Variants in LGALS12 observed in about 807,000 individuals in gnomAD.
LGALS12 encodes galectin-12.
LGALS12 carries 36 observed loss-of-function variants against 36.8 expected under a neutral mutation model. The observed-to-expected ratio is 0.98, with a 90% confidence interval of 0.75 to 1.29. The LOEUF (loss-of-function observed/expected upper bound fraction) is 1.29. Ranked by LOEUF, LGALS12 falls within the 50% of genes most tolerant of loss-of-function variation. The probability of loss-of-function intolerance (pLI) is 0.00; values close to 1 mark genes in which losing one functional copy is unlikely to be tolerated. For synonymous variants in LGALS12, 145 were observed against 155.9 expected, an observed-to-expected ratio of 0.93 and a Z score of 0.52; for missense variants, 366 against 394.3, an observed-to-expected ratio of 0.93 and a Z score of 0.61.
At chr11:63,510,030 G>C in intron 4 of LGALS12, 133 bp downstream of exon 4, 1 of 1,118,854 alleles carries the variant, frequency 8.9e-7, no homozygotes, top group Non-Finnish European at 1.3e-6. Context: ...ATAGCCAAGG[G>C]GGAGGGAGTC....
intron 5 of LGALS12, 66 bp downstream of exon 5, chr11:63,510,567 C>G: frequency 6.7e-7 from 1 of 1,489,946 alleles, no homozygotes; most frequent in African/African-American, 1.4e-5. Context: ...GACTGCTGCT[C>G]CCATTACACA....
chr11:63,511,666 C>G (rs1590648829), intron 6 of LGALS12, 86 bp from the exon 7 acceptor site: 3 of 914,060 alleles, frequency 3.3e-6, no homozygotes, highest in East Asian at 4.8e-5. Context: ...CATGCCTGCC[C>G]CAGTGCTCCC....
In LGALS12 at chr11:63,516,395, G is replaced by A. The variant is rs1565230192; in HGVS notation, c.*2G>A. ...CAGCTCTACTGTGTCCACTCCTGAGGATGGTTCCAGGGAAATACCGCCAGA... is the reference window on the plus strand; with the variant it reads ...CAGCTCTACTGTGTCCACTCCTGAGAATGGTTCCAGGGAAATACCGCCAGA... On this transcript the variant is annotated 3_prime_UTR_variant, in exon 9 of 9. Transcript: ENST00000394618. 1 of 1,613,874 alleles carries A rather than the reference G, an allele frequency of 6.2e-7. No individual in the cohort carries two copies.
intron 7 of LGALS12, among the ~76,000 whole-genome samples, chr11:63,512,533 A>C (rs534389682): frequency 1.3e-4 from 20 of 152,092 alleles, no homozygotes; most frequent in Non-Finnish European, 2.2e-4. Flanking sequence ...GCTCACACCT[A>C]TAATCCCAGC....
At chr11:63,514,992 G>A (rs77495840) in intron 7 of LGALS12, among the ~76,000 whole-genome samples, 3,288 of 151,622 alleles carry the variant, frequency 0.022, 116 homozygotes, top group African/African-American at 0.074. Context: ...ATTTTTTTAT[G>A]TATTCATTTA....
rs1184509712 is a variant in LGALS12 at position 63,510,511 on chromosome 11, T to C, written c.531+10T>C. 1.2e-6 allele frequency: 2 copies of C among 1,614,008 alleles called. No individual in the cohort carries two copies. Among genetic ancestry groups the C allele is most frequent in the Admixed American group, 3.3e-5 (2 of 60,026 alleles). ...GTACCCAGCTGGACATGTGAGTTTCTTGGCAGCAAGGTCTGAGCAGCCACA... is the reference window on the plus strand; with the variant it reads ...GTACCCAGCTGGACATGTGAGTTTCCTGGCAGCAAGGTCTGAGCAGCCACA... On this transcript the variant is annotated intron_variant, in intron 5 of 8. Transcript: ENST00000394618.
Position 63,516,474 on chromosome 11 carries a change from C to T in LGALS12, c.*81C>T, listed in dbSNP as rs2017088489. 4 of 1,512,564 alleles carry T rather than the reference C, an allele frequency of 2.6e-6. No individual in the cohort carries two copies. The Admixed American group carries it at 6.9e-5, about 26-fold the overall frequency. 93.7% of individuals were successfully genotyped at this position (1,512,564 alleles called of 1,614,324 possible). The stretch of plus-strand genomic sequence containing the variant: ...CCCCACTCTCCTCCCCTCATTAAAC[C>T]ATCCACCTGACACCAGCACATCAGG... On this transcript the variant is annotated 3_prime_UTR_variant, in exon 9 of 9. Coordinates refer to ENST00000394618, the MANE Select transcript of LGALS12 (RefSeq NM_033101.4).
At position 63,508,315 on chromosome 11, in the gene LGALS12, G is replaced by C; in HGVS notation, c.70-238G>C. The C allele has an allele frequency of 2.2e-6, 3 of 1,378,092 alleles. No individual in the cohort carries two copies. The South Asian group carries it at 4.6e-5, about 21-fold the overall frequency. The allele number at this position is 1,378,092 out of a possible 1,614,324, so 85.4% of individuals were successfully genotyped here. On this transcript the variant is annotated intron_variant, in intron 1 of 8. Transcript: ENST00000394618. ...AGGCAACTGGCTGGTGCTGAATTTG[G>C]CAAGGGAGCGGAATTTGACTTCTCT...
At chr11:63,507,117 C>A (rs564975312) in intron 1 of LGALS12, among the ~76,000 whole-genome samples, 2 of 152,246 alleles carry the variant, frequency 1.3e-5, no homozygotes, top group South Asian at 4.1e-4. Flanking sequence ...CTGGAGGGAG[C>A]CTGGGAATGG....
intron 8 of LGALS12, 136 bp downstream of exon 8, chr11:63,515,849 C>A (rs1022988155): frequency 4.5e-6 from 4 of 889,570 alleles, no homozygotes; most frequent in Non-Finnish European, 6.8e-6. Flanking sequence ...CAGAGCACAG[C>A]GAATGTCTGT....
At chr11:63,513,526 T>G (rs1420251731) in intron 7 of LGALS12, among the ~76,000 whole-genome samples, 3 of 152,200 alleles carry the variant, frequency 2.0e-5, no homozygotes. Flanking sequence ...TTTTGAATAT[T>G]ATATTAAAGT....
chr11:63,516,545 G>A lies in LGALS12; in HGVS notation c.*152G>A. 4.5e-6 allele frequency: 4 copies of A among 883,498 alleles called. No homozygotes were observed. Among genetic ancestry groups the A allele is most frequent in the Non-Finnish European group, 7.0e-6 (4 of 570,968 alleles). The allele number at this position is 883,498 out of a possible 1,614,324, so 54.7% of individuals were successfully genotyped here. A position where few individuals can be genotyped will look rare whatever the true frequency, so the allele number is the denominator to read the frequency against. The stretch of plus-strand genomic sequence containing the variant: ...ACGAGACTGAGTCTACAGGAGCTTT[G>A]GGCCTGAGGGAAGGCACAAGAGTGC... On this transcript the variant is annotated 3_prime_UTR_variant, in exon 9 of 9. Coordinates refer to ENST00000394618, the MANE Select transcript of LGALS12 (RefSeq NM_033101.4).
chr11:63,510,963 T>C lies in LGALS12; in HGVS notation c.532-116T>C, dbSNP rs1420479915. On this transcript the variant is annotated intron_variant, in intron 5 of 8. Coordinates refer to ENST00000394618, the MANE Select transcript of LGALS12 (RefSeq NM_033101.4). The stretch of plus-strand genomic sequence containing the variant: ...CCCACTGGGGCTCCAATGACTCACC[T>C]ACTGCTGTGAGAGAGACAAGCCCCA... 21 of 1,002,294 alleles carry C rather than the reference T, an allele frequency of 2.1e-5. No individual in the cohort carries two copies. In the Admixed American group the frequency reaches 3.7e-4, roughly 18 times the overall value. The allele number at this position is 1,002,294 out of a possible 1,614,324, so 62.1% of individuals were successfully genotyped here. A position where few individuals can be genotyped will look rare whatever the true frequency, so the allele number is the denominator to read the frequency against.
chr11:63,509,391 C>T lies in LGALS12; in HGVS notation c.373-387C>T, dbSNP rs1307191649. Among the ~76,000 whole-genome samples, 7 of 152,314 alleles carry T rather than the reference C, an allele frequency of 4.6e-5. No individual in the cohort carries two copies. In the East Asian group the frequency reaches 1.3e-3, roughly 29 times the overall value. On this transcript the variant is annotated intron_variant, in intron 3 of 8. Transcript: ENST00000394618. The stretch of plus-strand genomic sequence containing the variant: ...GAACTTGATCTCAAGGTTTAGACCC[C>T]TAATGTGAGCTCCTGCCAGAAACAT...
At chr11:63,510,532 C>T (rs1490765435) in intron 5 of LGALS12, 31 bp downstream of exon 5, 5 of 1,610,898 alleles carry the variant, frequency 3.1e-6, no homozygotes, top group East Asian at 2.2e-5. Context: ...GTCTGAGCAG[C>T]CACACCAGCT....
intron 8 of LGALS12, among the ~76,000 whole-genome samples, 161 bp downstream of exon 8, chr11:63,515,874 C>T (rs755116336): frequency 7.2e-5 from 11 of 152,124 alleles, no homozygotes; most frequent in Admixed American, 2.6e-4. Context: ...CAGTCCTCAA[C>T]GCTCCACTCT....
Position 63,508,762 on chromosome 11 carries a change from C to T in LGALS12, c.159-16C>T. 3 of 1,614,014 alleles carry T rather than the reference C, an allele frequency of 1.9e-6. No homozygotes were observed. The highest frequency in any genetic ancestry group is 2.5e-6 in the Non-Finnish European group (3 of 1,179,944). ...TCTGGTCAGAACCGCACTTTGAGAG[C>T]CTCACCTCCCAGTAGGTTTCAGGTG... On this transcript the variant is annotated splice_polypyrimidine_tract_variant and intron_variant, in intron 2 of 8. Coordinates refer to ENST00000394618, the MANE Select transcript of LGALS12 (RefSeq NM_033101.4).
intron 1 of LGALS12, among the ~76,000 whole-genome samples, chr11:63,507,725 CTTTTTTTTTTTTTTT>C (rs199594642): frequency 1.4e-5 from 1 of 69,924 alleles, no homozygotes; most frequent in African/African-American, 5.4e-5. Context: ...CAGGCAACTT[CTTTTTTTTTTTTTTT>C]TTTTTTTTTT....
chr11:63,510,028 G>C, intron 4 of LGALS12, 131 bp downstream of exon 4: 1 of 1,119,762 alleles, frequency 8.9e-7, no homozygotes, highest in Non-Finnish European at 1.3e-6. Context: ...TAATAGCCAA[G>C]GGGGAGGGAG....
Sources: allele counts gnomAD v4.1 joint callset (sites outside exome capture counted in the v4.1 genomes callset), GRCh38; gene constraint gnomAD v4.1.1; transcripts MANE v1.5; gene names NCBI Gene and HGNC (gene_info 2026-07-23, HGNC 2026-07-21).